The following CSNK1A1 variants were observed in gnomAD, a reference collection of about 807,000 sequenced individuals.
CSNK1A1 encodes the protein casein kinase I isoform alpha.
A neutral mutation model predicts 46.1 loss-of-function variants in CSNK1A1; 7 were observed. That is an observed-to-expected ratio of 0.15 (90% CI 0.09 to 0.29). The LOEUF (loss-of-function observed/expected upper bound fraction) is 0.29. Ranked by LOEUF, CSNK1A1 falls within the 10% of genes least tolerant of loss-of-function variation. The pLI, the probability that CSNK1A1 is intolerant of heterozygous loss-of-function variation, is 1.00. For missense variants in CSNK1A1, 96 were observed against 417.1 expected (o/e 0.23, Z 6.71); for synonymous variants, 137 against 141.5 (o/e 0.97, Z 0.23).
chr5:149,526,023 A>G (rs1761715959), intron 2 of CSNK1A1, among the ~76,000 whole-genome samples: 3 of 152,238 alleles, frequency 2.0e-5, no homozygotes. Context: ...GTTAACTCCA[A>G]TAAGAACCAA....
At chr5:149,508,107 T>G (rs1348039501) in intron 7 of CSNK1A1, among the ~76,000 whole-genome samples, 2 of 152,208 alleles carry the variant, frequency 1.3e-5, no homozygotes, top group Non-Finnish European at 2.9e-5. Flanking sequence ...GGAGGCAGTC[T>G]CTTTCTACAA....
intron 5 of CSNK1A1, among the ~76,000 whole-genome samples, chr5:149,512,582 CT>C (rs1216143802): frequency 1.3e-5 from 2 of 152,034 alleles, no homozygotes; most frequent in Admixed American, 1.3e-4. Context: ...GAGACTGTTA[CT>C]TTTTTTACTT....
chr5:149,521,950 T>G (rs1184873825), intron 3 of CSNK1A1, among the ~76,000 whole-genome samples: 1 of 152,174 alleles, frequency 6.6e-6, no homozygotes, highest in East Asian at 1.9e-4. Flanking sequence ...CAAGCTCCAC[T>G]CTTTGCCTAT....
intron 2 of CSNK1A1, among the ~76,000 whole-genome samples, chr5:149,546,747 T>C (rs926038635): frequency 6.6e-6 from 1 of 152,158 alleles, no homozygotes; most frequent in Non-Finnish European, 1.5e-5. Flanking sequence ...TTTAAATTAG[T>C]GACAATACTT....
chr5:149,518,876 C>T (rs1487176212), intron 4 of CSNK1A1, among the ~76,000 whole-genome samples: 2 of 151,744 alleles, frequency 1.3e-5, no homozygotes, highest in Non-Finnish European at 2.9e-5. Flanking sequence ...GCAATGTCAA[C>T]GATGCAGAAT....
chr5:149,523,901 C>T (rs2113124098), intron 3 of CSNK1A1, among the ~76,000 whole-genome samples: 1 of 152,268 alleles, frequency 6.6e-6, no homozygotes, highest in East Asian at 1.9e-4. Flanking sequence ...CTATGTAATA[C>T]TAGAACTTAT....
intron 3 of CSNK1A1, among the ~76,000 whole-genome samples, chr5:149,522,825 A>G (rs1761612647): frequency 6.6e-6 from 1 of 152,122 alleles, no homozygotes; most frequent in Non-Finnish European, 1.5e-5. Flanking sequence ...GGAACATCTT[A>G]TTTTTCCATC....
intron 2 of CSNK1A1, among the ~76,000 whole-genome samples, chr5:149,530,104 A>T (rs1360686201): frequency 6.6e-6 from 1 of 152,150 alleles, no homozygotes; most frequent in Non-Finnish European, 1.5e-5. Context: ...AAAAAAAAAA[A>T]TTTAATGTAG....
At chr5:149,502,446 G>GGGAGT in intron 9 of CSNK1A1, 5 of 400,742 alleles carry the variant, frequency 1.2e-5, no homozygotes, top group Non-Finnish European at 1.6e-5. Flanking sequence ...GGGCTCAGGT[G>GGGAGT]ATACTCCCAC....
chr5:149,528,456 C>CA (rs1761788078), intron 2 of CSNK1A1, among the ~76,000 whole-genome samples: 1 of 152,192 alleles, frequency 6.6e-6, no homozygotes, highest in Non-Finnish European at 1.5e-5. Flanking sequence ...TAGAACGTCA[C>CA]ACCCTCCATC....
intron 4 of CSNK1A1, among the ~76,000 whole-genome samples, chr5:149,519,670 T>C (rs1033385407): frequency 6.6e-6 from 1 of 152,196 alleles, no homozygotes; most frequent in African/African-American, 2.4e-5. Flanking sequence ...ATTTCACTTG[T>C]CTACATTTTC....
chr5:149,536,500 T>C (rs1424468282), intron 2 of CSNK1A1, among the ~76,000 whole-genome samples: 1 of 151,886 alleles, frequency 6.6e-6, no homozygotes, highest in African/African-American at 2.4e-5. Context: ...GTGGAGAAAA[T>C]GAATACAAAA....
intron 2 of CSNK1A1, among the ~76,000 whole-genome samples, chr5:149,528,975 C>T (rs1396151257): frequency 6.6e-6 from 1 of 152,172 alleles, no homozygotes; most frequent in African/African-American, 2.4e-5. Flanking sequence ...TACCTTTAGA[C>T]ATTTTTAAGT....
chr5:149,533,568 G>C (rs1761962231), intron 2 of CSNK1A1, among the ~76,000 whole-genome samples: 1 of 151,864 alleles, frequency 6.6e-6, no homozygotes, highest in East Asian at 1.9e-4. Flanking sequence ...GTTTATATTT[G>C]CATCTTACTC....
At chr5:149,515,338 C>G (rs1761366693) in intron 4 of CSNK1A1, among the ~76,000 whole-genome samples, 1 of 152,174 alleles carries the variant, frequency 6.6e-6, no homozygotes, top group Admixed American at 6.5e-5. Flanking sequence ...TCATTTGTGA[C>G]TCAATAACCA....
chr5:149,505,698 A>C (rs1263159721), intron 8 of CSNK1A1, 103 bp from the exon 9 acceptor site: 1 of 931,614 alleles, frequency 1.1e-6, no homozygotes, highest in African/African-American at 1.7e-5. Context: ...TACACAACGA[A>C]TATTTCCTCA....
At chr5:149,498,884 G>A (rs926501251) in intron 9 of CSNK1A1, 33 of 985,224 alleles carry the variant, frequency 3.3e-5, no homozygotes, top group Non-Finnish European at 3.6e-5. Context: ...ACTTCAGAAT[G>A]TATCTGTACA....
intron 2 of CSNK1A1, among the ~76,000 whole-genome samples, chr5:149,534,482 C>CAAAAAAAAAAAAAAA (rs10597922): frequency 5.3e-5 from 5 of 94,984 alleles, no homozygotes; most frequent in East Asian, 6.4e-4. Flanking sequence ...GACTCTGTCT[C>CAAAAAAAAAAAAAAA]AAAAAAAAAA....
At chr5:149,537,616 T>C (rs1762099129) in intron 2 of CSNK1A1, among the ~76,000 whole-genome samples, 1 of 151,250 alleles carries the variant, frequency 6.6e-6, no homozygotes, top group Non-Finnish European at 1.5e-5. Flanking sequence ...AGAAAAAAAA[T>C]AACTCTTGGT....
Sources: allele counts gnomAD v4.1 joint callset (sites outside exome capture counted in the v4.1 genomes callset), GRCh38; gene constraint gnomAD v4.1.1; transcripts MANE v1.5; gene names NCBI Gene and HGNC (gene_info 2026-07-23, HGNC 2026-07-21).